The following ABCC5 variants were observed in gnomAD, a reference collection of about 807,000 sequenced individuals.
ABCC5 encodes the protein ATP binding cassette subfamily C member 5.
In ABCC5, 61 loss-of-function variants were observed where a neutral mutation model predicts 160.9. That is an observed-to-expected ratio of 0.38 (90% confidence interval 0.31 to 0.47). The LOEUF (loss-of-function observed/expected upper bound fraction) is 0.47, where lower values mean the gene tolerates loss of function less well. Among genes scored for constraint, ABCC5 ranks in the 20% least tolerant of loss-of-function variants. The pLI is 0.99. For missense variants in ABCC5, 1,308 were observed against 1,813.3 expected (o/e 0.72, Z 5.06); for synonymous variants, 666 against 700.6 (o/e 0.95, Z 0.78).
rs766925482 is a variant in ABCC5, at chr3:183,950,026, A to G, written c.3044T>C (p.Leu1015Pro). 15 of 1,614,210 alleles carry G rather than the reference A, an allele frequency of 9.3e-6. No individual in the cohort carries two copies. The highest frequency in any genetic ancestry group is 1.3e-5 in the Non-Finnish European group (15 of 1,180,038). The change falls in exon 21 of 30, where the codon CTT (leucine) becomes CCT (proline). Residue 1015 changes from leucine to proline, a missense_variant. Leu to Pro is a moderately conservative substitution (Grantham distance 98). Coordinates refer to ENST00000334444, the MANE Select transcript of ABCC5 (RefSeq NM_005688.4). ...GMIAGVFPWFLVAVGPLVILF... is the reference protein window; with the variant it reads ...GMIAGVFPWFPVAVGPLVILF... ...GATGACAAGGGGCCCCACTGCCACA[A>G]GGAACCACGGGAAGACTCCTGCGAT...
At chr3:183,957,076 G>A (rs369865625) in intron 17 of ABCC5, among the ~76,000 whole-genome samples, 175 of 46,144 alleles carry the variant, frequency 3.8e-3, no homozygotes, top group African/African-American at 9.2e-3. Context: ...TTACATGCGG[G>A]TCCGTGTGTA....
intron 17 of ABCC5, among the ~76,000 whole-genome samples, chr3:183,954,453 T>C (rs1715680057): frequency 6.6e-6 from 1 of 152,170 alleles, no homozygotes; most frequent in African/African-American, 2.4e-5. Flanking sequence ...CTAGCTGGTC[T>C]CATGTTTTTA....
chr3:183,973,894 A>C (rs1252902628), intron 10 of ABCC5, among the ~76,000 whole-genome samples: 1 of 152,186 alleles, frequency 6.6e-6, no homozygotes, highest in African/African-American at 2.4e-5. Flanking sequence ...AAGGTCTTTT[A>C]GGCCTCAATG....
chr3:184,011,920 A>G (rs191671895), intron 2 of ABCC5, among the ~76,000 whole-genome samples: 6 of 152,208 alleles, frequency 3.9e-5, no homozygotes, highest in African/African-American at 1.4e-4. Context: ...TGTGGCTATA[A>G]AAGGGTAACG....
At chr3:184,006,730 C>T (rs1027456764) in intron 2 of ABCC5, among the ~76,000 whole-genome samples, 4 of 152,156 alleles carry the variant, frequency 2.6e-5, no homozygotes, top group African/African-American at 7.2e-5. Context: ...ATTAGACCCA[C>T]ATCTTTGATC....
chr3:183,939,501 A>G (rs930248314), intron 25 of ABCC5, among the ~76,000 whole-genome samples: 3 of 152,134 alleles, frequency 2.0e-5, no homozygotes, highest in African/African-American at 7.2e-5. Context: ...TTCAAGATAA[A>G]ATTTTAGTGG....
At position 183,963,501 on chromosome 3, in the gene ABCC5, T is replaced by C. The variant is rs1455699429; in HGVS notation, c.2119A>G (p.Ile707Val). The C allele has an allele frequency of 5.6e-6, 9 of 1,614,096 alleles. No individual in the cohort carries two copies. Among genetic ancestry groups the C allele is most frequent in the Non-Finnish European group, 7.6e-6 (9 of 1,180,050 alleles). Residue 707 changes from isoleucine to valine, a missense_variant, in exon 15 of 30, where the codon ATC (isoleucine) becomes GTC (valine). Physicochemically the swap from Ile to Val is conservative, Grantham distance 29. Around this residue, in one of 3 missense-constraint regions of ABCC5, gnomAD observed 1,142 missense variants for 1,527.1 expected, o/e 0.75. Coordinates refer to ENST00000334444, the MANE Select transcript of ABCC5 (RefSeq NM_005688.4). This position sits in a 1 kb window ranked among gnomAD's most constrained non-coding sequence, Gnocchi z 4.6. Reference sequence around the variant, plus strand: ...AAGGCACTGAGGGGGTCGTCCAGGATGTAGATGCTCCTGTCACTATACAAG... The same window carrying C: ...AAGGCACTGAGGGGGTCGTCCAGGACGTAGATGCTCCTGTCACTATACAAG... ...RALYSDRSIY[I>V]LDDPLSALDA...
At chr3:183,972,182 C>T in intron 10 of ABCC5, 1 of 646,758 alleles carries the variant, frequency 1.5e-6, no homozygotes, top group Non-Finnish European at 2.7e-6. Context: ...CTGCCTTTCC[C>T]CCTCAGCCAG....
At chr3:183,935,800 C>G (rs1476007013) in intron 26 of ABCC5, among the ~76,000 whole-genome samples, 1 of 152,232 alleles carries the variant, frequency 6.6e-6, no homozygotes, top group Admixed American at 6.5e-5. Flanking sequence ...CCACGCCTGA[C>G]CAATAAATTC....
chr3:183,971,725 C>T lies in ABCC5; in HGVS notation c.1599G>A (p.Leu533=). The T allele has an allele frequency of 6.2e-7, 1 of 1,614,240 alleles. No individual in the cohort carries two copies. The highest frequency in any genetic ancestry group is 8.5e-7 in the Non-Finnish European group (1 of 1,180,050). The change falls in exon 11 of 30, where the codon CTG becomes CTA. Residue 533 remains leucine, a synonymous_variant. Transcript: ENST00000334444. The part of the protein sequence containing the change: ...SRGKKEKVRQ[L]QRTEHQAVLA... Reference sequence around the variant, plus strand: ...GCACCGCCTGATGCTCAGTGCGCTGCAGCTGCCTCACCTTCTCTTTCTTGC... The same window carrying T: ...GCACCGCCTGATGCTCAGTGCGCTGTAGCTGCCTCACCTTCTCTTTCTTGC...
At chr3:183,926,320 G>A (rs1184757143) in intron 28 of ABCC5, among the ~76,000 whole-genome samples, 4 of 149,910 alleles carry the variant, frequency 2.7e-5, no homozygotes, top group East Asian at 4.1e-4. Flanking sequence ...GAGAGGCCGA[G>A]GCAGGCGGAT....
chr3:183,974,286 C>T (rs1274838877), intron 10 of ABCC5, among the ~76,000 whole-genome samples: 1 of 151,986 alleles, frequency 6.6e-6, no homozygotes, highest in Non-Finnish European at 1.5e-5. Context: ...ATATAAGATG[C>T]CCAGTTAAAT....
rs543817582 is a variant in ABCC5, at chr3:183,988,490, A to G, written c.443+82T>C. On this transcript the variant is annotated intron_variant, in intron 4 of 29. Coordinates refer to ENST00000334444, the MANE Select transcript of ABCC5 (RefSeq NM_005688.4). This position sits in a 1 kb window ranked among gnomAD's most constrained non-coding sequence, Gnocchi z 4.4. ...CTGGACAGCTCGGCTCTTTAAAGAC[A>G]CAGAGCTGTGGACTTCACACTCCTA... The G allele has an allele frequency of 5.9e-4, 891 of 1,510,398 alleles. 1 individual carries two copies. In the African/African-American group the frequency reaches 0.011, roughly 19 times the overall value. 93.6% of individuals were successfully genotyped at this position (1,510,398 alleles called of 1,614,324 possible). A position where few individuals can be genotyped will look rare whatever the true frequency, so the allele number is the denominator to read the frequency against.
chr3:183,964,265 C>T (rs1032497940), intron 14 of ABCC5, among the ~76,000 whole-genome samples: 1 of 152,238 alleles, frequency 6.6e-6, no homozygotes, highest in African/African-American at 2.4e-5. Context: ...TAACTGTACA[C>T]TTCTTTACGT....
rs77582362 is a variant in ABCC5, at chr3:183,948,310, C to T, written c.3228-800G>A. 3.8e-3 allele frequency among the ~76,000 whole-genome samples: 566 copies of T among 148,830 alleles called. 2 individuals carry two copies. The highest frequency in any genetic ancestry group is 0.013 in the African/African-American group (521 of 40,660). ...TGTAAAATTCCAGTAATCTCATCAC[C>T]CTGTTAAAACCAGAGTTGATATTCC... On this transcript the variant is annotated intron_variant, in intron 22 of 29. Coordinates refer to ENST00000334444, the MANE Select transcript of ABCC5 (RefSeq NM_005688.4).
intron 8 of ABCC5, among the ~76,000 whole-genome samples, chr3:183,979,729 C>T (rs892468183): frequency 1.3e-5 from 2 of 151,998 alleles, no homozygotes; most frequent in Admixed American, 6.6e-5. Flanking sequence ...CACAGATGTG[C>T]ACTACCATGC....
At chr3:183,948,894 A>G (rs1198456184) in intron 22 of ABCC5, among the ~76,000 whole-genome samples, 1 of 151,772 alleles carries the variant, frequency 6.6e-6, no homozygotes, top group African/African-American at 2.4e-5. Context: ...AGTAGAGACA[A>G]GGTTCCACCA....
intron 2 of ABCC5, among the ~76,000 whole-genome samples, chr3:183,995,965 G>A (rs981482757): frequency 1.3e-5 from 2 of 151,874 alleles, no homozygotes; most frequent in Non-Finnish European, 2.9e-5. Flanking sequence ...CCGCCACCAC[G>A]CCCGGCTAAT....
chr3:183,931,989 T>C (rs1312578689), intron 26 of ABCC5, among the ~76,000 whole-genome samples: 2 of 152,254 alleles, frequency 1.3e-5, no homozygotes, highest in Non-Finnish European at 2.9e-5. Flanking sequence ...CAAAGGTACA[T>C]TTTCATCTTT....
Sources: allele counts gnomAD v4.1 joint callset (sites outside exome capture counted in the v4.1 genomes callset), GRCh38; gene constraint gnomAD v4.1.1; regional missense constraint gnomAD v4.1.1; non-coding constraint Gnocchi (gnomAD v3.1); transcripts MANE v1.5; gene names NCBI Gene and HGNC (gene_info 2026-07-23, HGNC 2026-07-21).